CCBE1: variants seen among roughly 807,000 people sequenced by gnomAD.
The protein encoded by CCBE1 is collagen and calcium-binding EGF domain-containing protein 1.
A neutral mutation model predicts 50.0 loss-of-function variants in CCBE1; 37 were observed. That is an observed-to-expected ratio of 0.74 (90% CI 0.57 to 0.97). The LOEUF is 0.97. Ranked by LOEUF, CCBE1 falls within the 50% of genes least tolerant of loss-of-function variation. CCBE1 has a pLI of 0.00. For synonymous variants in CCBE1, 234 were observed against 203.7 expected, an observed-to-expected ratio of 1.15 and a Z score of -1.27; for missense variants, 538 against 523.8, an observed-to-expected ratio of 1.03 and a Z score of -0.26.
At chr18:59,558,878 G>A (rs956901275) in intron 2 of CCBE1, among the ~76,000 whole-genome samples, 9 of 152,236 alleles carry the variant, frequency 5.9e-5, no homozygotes, top group Admixed American at 2.0e-4. Flanking sequence ...GAGAAAGCTA[G>A]TTTGAGAAAG....
At chr18:59,619,776 A>ATT (rs147649355) in intron 2 of CCBE1, among the ~76,000 whole-genome samples, 4 of 152,030 alleles carry the variant, frequency 2.6e-5, no homozygotes, top group African/African-American at 9.7e-5. Context: ...AAACTCAGTG[A>ATT]TTTTTTTTAA....
At chr18:59,498,257 T>A (rs1177593296) in intron 2 of CCBE1, among the ~76,000 whole-genome samples, 1 of 152,202 alleles carries the variant, frequency 6.6e-6, no homozygotes, top group Non-Finnish European at 1.5e-5. Context: ...ATTGCATTAA[T>A]TTGATAAATT....
At chr18:59,525,994 T>C (rs567351072) in intron 2 of CCBE1, among the ~76,000 whole-genome samples, 13 of 152,300 alleles carry the variant, frequency 8.5e-5, no homozygotes, top group Non-Finnish European at 1.5e-4. Flanking sequence ...AATGTAGCCT[T>C]GTAGTATAGT....
At chr18:59,573,011 C>T (rs907853533) in intron 2 of CCBE1, among the ~76,000 whole-genome samples, 3 of 151,918 alleles carry the variant, frequency 2.0e-5, no homozygotes, top group African/African-American at 7.3e-5. Context: ...AGGCTGGGCA[C>T]AGTGGCTCAC....
At chr18:59,540,281 A>G (rs2144379256) in intron 2 of CCBE1, among the ~76,000 whole-genome samples, 1 of 152,348 alleles carries the variant, frequency 6.6e-6, no homozygotes, top group African/African-American at 2.4e-5. Context: ...GATCAAACCC[A>G]AGAAGCCAAC....
At chr18:59,646,193 T>A (rs1408894475) in intron 2 of CCBE1, among the ~76,000 whole-genome samples, 1 of 152,104 alleles carries the variant, frequency 6.6e-6, no homozygotes, top group Non-Finnish European at 1.5e-5. Context: ...AGTCCACTGG[T>A]GTTTGTCAGG....
At chr18:59,490,912 C>T (rs1280042229) in intron 2 of CCBE1, among the ~76,000 whole-genome samples, 1 of 152,170 alleles carries the variant, frequency 6.6e-6, no homozygotes, top group Non-Finnish European at 1.5e-5. Context: ...TCATTTATTT[C>T]CATGGTGGCT....
At chr18:59,671,943 C>A (rs1433133096) in intron 2 of CCBE1, among the ~76,000 whole-genome samples, 1 of 151,884 alleles carries the variant, frequency 6.6e-6, no homozygotes, top group Non-Finnish European at 1.5e-5. Context: ...ATACAGATGA[C>A]AAATTCAGCT....
intron 2 of CCBE1, among the ~76,000 whole-genome samples, chr18:59,608,949 C>T (rs931659675): frequency 6.6e-6 from 1 of 152,202 alleles, no homozygotes; most frequent in African/African-American, 2.4e-5. Context: ...TATCCCCCAC[C>T]TTCCACTTAC....
At chr18:59,629,997 C>T (rs928655847) in intron 2 of CCBE1, among the ~76,000 whole-genome samples, 1 of 152,278 alleles carries the variant, frequency 6.6e-6, no homozygotes, top group Non-Finnish European at 1.5e-5. Context: ...AGAAAGTTTC[C>T]AGAAAAGGAG....
intron 2 of CCBE1, among the ~76,000 whole-genome samples, chr18:59,495,410 T>TA (rs149062893): frequency 6.9e-6 from 1 of 144,954 alleles, no homozygotes; most frequent in Non-Finnish European, 1.5e-5. Context: ...TTTTTTTTTT[T>TA]CCAGAGCGGG....
chr18:59,569,451 C>A (rs2564464), intron 2 of CCBE1, among the ~76,000 whole-genome samples: 86,559 of 152,006 alleles, frequency 0.57, 26,572 homozygotes, highest in African/African-American at 0.8. Flanking sequence ...ATTTTTTGCA[C>A]TAGCACTGCA....
chr18:59,455,238 C>T (rs1911135678), intron 5 of CCBE1: 1 of 502,350 alleles, frequency 2.0e-6, no homozygotes, highest in African/African-American at 1.9e-5. Flanking sequence ...AAAATGCGTA[C>T]CATGGCCTTT....
chr18:59,605,845 G>C (rs2053490927), intron 2 of CCBE1, among the ~76,000 whole-genome samples: 1 of 152,182 alleles, frequency 6.6e-6, no homozygotes, highest in Admixed American at 6.5e-5. Context: ...GTGGCCTTGG[G>C]ATAAGCTATC....
At chr18:59,519,714 G>A (rs1378077444) in intron 2 of CCBE1, among the ~76,000 whole-genome samples, 1 of 152,132 alleles carries the variant, frequency 6.6e-6, no homozygotes, top group Non-Finnish European at 1.5e-5. Flanking sequence ...TGTTGCCATT[G>A]CTTTTGGTGT....
intron 2 of CCBE1, among the ~76,000 whole-genome samples, chr18:59,504,983 G>T (rs1003523023): frequency 2.6e-5 from 4 of 152,156 alleles, no homozygotes; most frequent in Admixed American, 2.6e-4. Flanking sequence ...CCATACCCCT[G>T]CCATCACACA....
At chr18:59,681,042 T>C (rs2054582846) in intron 2 of CCBE1, among the ~76,000 whole-genome samples, 1 of 149,378 alleles carries the variant, frequency 6.7e-6, no homozygotes. Flanking sequence ...GAAGGTAATT[T>C]GGCTGAGAAA....
At chr18:59,647,891 G>A (rs2054075807) in intron 2 of CCBE1, among the ~76,000 whole-genome samples, 2 of 152,154 alleles carry the variant, frequency 1.3e-5, no homozygotes, top group Admixed American at 1.3e-4. Context: ...GTAGGAGGGA[G>A]ACACACAGAG....
intron 2 of CCBE1, among the ~76,000 whole-genome samples, chr18:59,501,034 C>G (rs1052301104): frequency 2.6e-5 from 4 of 152,192 alleles, no homozygotes; most frequent in African/African-American, 9.7e-5. Flanking sequence ...CAAGAATCTG[C>G]CAAGGTCATA....
Sources: gnomAD v4.1 joint callset for allele counts (sites outside exome capture counted in the v4.1 genomes callset) on GRCh38, gnomAD v4.1.1 for gene constraint, MANE v1.5 for transcripts, NCBI Gene and HGNC (gene_info 2026-07-23, HGNC 2026-07-21) for gene names.